Variants in HEPHL1 observed in about 807,000 individuals in gnomAD.
HEPHL1 encodes hephaestin like 1, also known as ferroxidase HEPHL1.
Under a neutral mutation model 122.0 loss-of-function variants are expected in HEPHL1, and 123 were observed. The ratio of observed to expected loss-of-function variants is 1.01; its 90% CI spans 0.87 to 1.17. HEPHL1 has a LOEUF of 1.17. HEPHL1 is among the 50% of genes most tolerant of loss of function. The pLI is 0.00. For synonymous variants in HEPHL1, 527 were observed against 508.9 expected, an observed-to-expected ratio of 1.04 and a Z score of -0.48; for missense variants, 1,452 against 1,430.5, an observed-to-expected ratio of 1.01 and a Z score of -0.24.
Position 94,112,302 on chromosome 11 carries a change from A to G in HEPHL1, c.*408A>G, listed in dbSNP as rs1319043028. 6.5e-6 allele frequency: 1 copy of G among 154,972 alleles called. No individual in the cohort carries two copies. Among genetic ancestry groups the G allele is most frequent in the Non-Finnish European group, 1.4e-5 (1 of 69,998 alleles). The allele number at this position is 154,972 out of a possible 1,614,324, so 9.6% of individuals were successfully genotyped here. On this transcript the variant is annotated 3_prime_UTR_variant, in exon 20 of 20. Transcript: ENST00000315765. Reference sequence around the variant, plus strand: ...AAAAGTTAGAGTGCCTCAGACATTTAACTGGAAGGGCACTACTTTTTCAAC... The same window carrying G: ...AAAAGTTAGAGTGCCTCAGACATTTGACTGGAAGGGCACTACTTTTTCAAC...
chr11:94,083,003 T>G (rs1946184392), intron 10 of HEPHL1, among the ~76,000 whole-genome samples: 1 of 151,680 alleles, frequency 6.6e-6, no homozygotes, highest in South Asian at 2.1e-4. Context: ...GCAGGAGAAT[T>G]GCTTGAACCC....
chr11:94,057,519 C>T (rs1235717717), intron 2 of HEPHL1, among the ~76,000 whole-genome samples: 1 of 152,008 alleles, frequency 6.6e-6, no homozygotes, highest in Non-Finnish European at 1.5e-5. Flanking sequence ...TTCACTGATA[C>T]TTTCTTTTGC....
chr11:94,088,739 G>A lies in HEPHL1; in HGVS notation c.2081-16G>A. On this transcript the variant is annotated splice_polypyrimidine_tract_variant and intron_variant, in intron 11 of 19. Coordinates refer to ENST00000315765, the MANE Select transcript of HEPHL1 (RefSeq NM_001098672.2). ...TACCGAGCACCACACTCAATGCCGAGCCATTTCTCTTGCAGGTATTTTTAG... is the reference window on the plus strand; with the variant it reads ...TACCGAGCACCACACTCAATGCCGAACCATTTCTCTTGCAGGTATTTTTAG... 4 of 1,601,958 alleles carry A rather than the reference G, an allele frequency of 2.5e-6. No individual in the cohort carries two copies. Among genetic ancestry groups the A allele is most frequent in the Non-Finnish European group, 2.6e-6 (3 of 1,171,714 alleles).
chr11:94,081,873 G>A (rs1415061298), intron 9 of HEPHL1, among the ~76,000 whole-genome samples: 1 of 152,232 alleles, frequency 6.6e-6, no homozygotes, highest in Non-Finnish European at 1.5e-5. Context: ...CTGGGCAGAA[G>A]ATGGAGATAA....
intron 1 of HEPHL1, among the ~76,000 whole-genome samples, chr11:94,029,755 A>C (rs1162977842): frequency 6.6e-6 from 1 of 152,236 alleles, no homozygotes; most frequent in Non-Finnish European, 1.5e-5. Flanking sequence ...CAGTCAATGT[A>C]TAACTCAGTG....
At chr11:94,108,731 C>T (rs530618713) in intron 17 of HEPHL1, among the ~76,000 whole-genome samples, 16 of 152,028 alleles carry the variant, frequency 1.1e-4, no homozygotes, top group East Asian at 7.7e-4. Context: ...TATGTCTGGG[C>T]GGTCTCTTCT....
intron 1 of HEPHL1, among the ~76,000 whole-genome samples, chr11:94,024,422 C>T (rs975517878): frequency 6.6e-6 from 1 of 152,132 alleles, no homozygotes; most frequent in Non-Finnish European, 1.5e-5. Context: ...AATATCTTTC[C>T]TGACTTGCCA....
chr11:94,075,436 T>G (rs1946113756), intron 9 of HEPHL1, 51 bp downstream of exon 9: 2 of 1,288,682 alleles, frequency 1.6e-6, no homozygotes, highest in Non-Finnish European at 2.1e-6. Flanking sequence ...GTGGGAGAGA[T>G]CCGCAAGAGC....
chr11:94,037,281 G>T (rs1191175294), intron 1 of HEPHL1, among the ~76,000 whole-genome samples: 1 of 151,702 alleles, frequency 6.6e-6, no homozygotes, highest in African/African-American at 2.4e-5. Flanking sequence ...AGGCGGCAGC[G>T]AGGCTGGGGG....
Position 94,078,143 on chromosome 11 carries a change from TA to T in HEPHL1, c.1716+2761del, listed in dbSNP as rs778604926. On this transcript the variant is annotated intron_variant, in intron 9 of 19. Coordinates refer to ENST00000315765, the MANE Select transcript of HEPHL1 (RefSeq NM_001098672.2). Reference sequence around the variant, plus strand: ...CATGCAACAAATATTTCTGGTTGGATAAATGCAATACAGGGTAAGTACTCTT... The same window carrying T: ...CATGCAACAAATATTTCTGGTTGGATAATGCAATACAGGGTAAGTACTCTT... Among the ~76,000 whole-genome samples the T allele has an allele frequency of 1.3e-3, 193 of 152,188 alleles. 1 individual carries two copies. Among genetic ancestry groups the T allele is most frequent in the Non-Finnish European group, 2.2e-3 (150 of 67,992 alleles).
intron 1 of HEPHL1, among the ~76,000 whole-genome samples, chr11:94,024,688 G>A (rs1214006202): frequency 2.0e-5 from 3 of 152,164 alleles, no homozygotes; most frequent in East Asian, 1.9e-4. Flanking sequence ...ACCACTCATG[G>A]AGCTTGGGGT....
chr11:94,112,762 T>C lies in HEPHL1; in HGVS notation c.*868T>C, dbSNP rs1049164637. ...CCCTGAGAGTTTAGAGCAAGCTTTC[T>C]ATCAGGGAGGGAAGCTTTGCAGGAG... On this transcript the variant is annotated 3_prime_UTR_variant, in exon 20 of 20. Transcript: ENST00000315765. 4.6e-5 allele frequency: 7 copies of C among 152,366 alleles called. No homozygotes were observed. The highest frequency in any genetic ancestry group is 1.3e-4 in the Admixed American group (2 of 15,300). The allele number at this position is 152,366 out of a possible 1,614,324, so 9.4% of individuals were successfully genotyped here.
chr11:94,100,155 A>G (rs909842602), intron 13 of HEPHL1, among the ~76,000 whole-genome samples: 2 of 151,970 alleles, frequency 1.3e-5, no homozygotes, highest in African/African-American at 4.8e-5. Context: ...TCTTGGAACT[A>G]CCCCCTAAGA....
chr11:94,111,430 C>A, intron 18 of HEPHL1, 107 bp from the exon 19 acceptor site: 1 of 856,010 alleles, frequency 1.2e-6, no homozygotes, highest in Non-Finnish European at 1.9e-6. Context: ...AAATGATTGG[C>A]AGATACTGAT....
intron 12 of HEPHL1, among the ~76,000 whole-genome samples, chr11:94,090,410 A>G (rs1423386012): frequency 5.9e-5 from 9 of 152,348 alleles, no homozygotes; most frequent in Admixed American, 4.6e-4. Flanking sequence ...TACAACTAAT[A>G]TGAACTCCTA....
At chr11:94,042,888 A>AC (rs1945798998) in intron 1 of HEPHL1, among the ~76,000 whole-genome samples, 2 of 114,432 alleles carry the variant, frequency 1.7e-5, no homozygotes, top group African/African-American at 7.6e-5. Flanking sequence ...AAAAAAAAAA[A>AC]AAAAACTGCA....
intron 1 of HEPHL1, among the ~76,000 whole-genome samples, chr11:94,029,128 C>T (rs1568259): frequency 0.21 from 31,440 of 152,052 alleles, 3,980 homozygotes; most frequent in African/African-American, 0.36. Flanking sequence ...CACCCAGCCT[C>T]AACAAATTTT....
At chr11:94,103,273 CAAAAAA>C (rs755716566) in intron 15 of HEPHL1, among the ~76,000 whole-genome samples, 1 of 44,292 alleles carries the variant, frequency 2.3e-5, no homozygotes, top group African/African-American at 8.6e-5. Flanking sequence ...TTTTTTTTCC[CAAAAAA>C]AAAAAAAAAA....
intron 9 of HEPHL1, among the ~76,000 whole-genome samples, chr11:94,077,416 G>C (rs1946135037): frequency 6.6e-6 from 1 of 151,950 alleles, no homozygotes. Context: ...CATAGAACTT[G>C]TATATATTTA....
Sources: allele counts gnomAD v4.1 joint callset (sites outside exome capture counted in the v4.1 genomes callset), GRCh38; gene constraint gnomAD v4.1.1; transcripts MANE v1.5; gene names NCBI Gene and HGNC (gene_info 2026-07-23, HGNC 2026-07-21).